LHFPL2: variants seen among roughly 807,000 people sequenced by gnomAD.
LHFPL2 encodes LHFPL tetraspan subfamily member 2 protein.
In LHFPL2, 7 loss-of-function variants were observed where a neutral mutation model predicts 17.5. That is an observed-to-expected ratio of 0.40 (90% CI 0.23 to 0.75). The LOEUF is 0.75. Ranked by LOEUF, LHFPL2 falls within the 30% of genes least tolerant of loss-of-function variation. LHFPL2 has a pLI of 0.37. For missense variants in LHFPL2, 241 were observed against 294.8 expected, an observed-to-expected ratio of 0.82 and a Z score of 1.34; for synonymous variants, 134 against 116.2, an observed-to-expected ratio of 1.15 and a Z score of -0.99.
At chr5:78,590,832 A>G (rs1397574246) in intron 2 of LHFPL2, among the ~76,000 whole-genome samples, 1 of 152,228 alleles carries the variant, frequency 6.6e-6, no homozygotes, top group Non-Finnish European at 1.5e-5. Flanking sequence ...CTAAATGGAT[A>G]ATGCAGATCA....
chr5:78,620,399 A>T (rs1744807387), intron 2 of LHFPL2, among the ~76,000 whole-genome samples: 1 of 151,804 alleles, frequency 6.6e-6, no homozygotes, highest in Admixed American at 6.6e-5. Context: ...TTATTTTTTT[A>T]AATTTATTCA....
intron 3 of LHFPL2, among the ~76,000 whole-genome samples, chr5:78,525,675 G>A (rs1481629986): frequency 6.6e-6 from 1 of 152,212 alleles, no homozygotes; most frequent in African/African-American, 2.4e-5. Context: ...ATGCGAAAAC[G>A]GATACAGACT....
At chr5:78,579,762 G>C (rs1743026639) in intron 2 of LHFPL2, among the ~76,000 whole-genome samples, 1 of 152,126 alleles carries the variant, frequency 6.6e-6, no homozygotes, top group Non-Finnish European at 1.5e-5. Flanking sequence ...ATTTGGGTTG[G>C]TTCCAAGTCT....
At chr5:78,512,293 G>A (rs1052702338) in intron 3 of LHFPL2, among the ~76,000 whole-genome samples, 1 of 151,716 alleles carries the variant, frequency 6.6e-6, no homozygotes, top group African/African-American at 2.4e-5. Flanking sequence ...CAGAGTCCTG[G>A]TCTTCCTGTT....
intron 2 of LHFPL2, among the ~76,000 whole-genome samples, chr5:78,566,113 A>G (rs1001308740): frequency 6.6e-6 from 1 of 152,250 alleles, no homozygotes; most frequent in African/African-American, 2.4e-5. Context: ...AATATTCAAC[A>G]GCCTCAATTC....
chr5:78,615,582 T>C lies in LHFPL2; in HGVS notation c.-245+16682A>G, dbSNP rs559305662. Among the ~76,000 whole-genome samples the C allele has an allele frequency of 6.6e-4, 101 of 152,344 alleles. 1 individual carries two copies. The highest frequency in any genetic ancestry group is 2.1e-3 in the African/African-American group (89 of 41,582). ...CTAAGCACAAGATTTCCAATTAACT[T>C]ATGACCTGCCAGACATCTACAAACC... On this transcript the variant is annotated intron_variant, in intron 2 of 4. Coordinates refer to ENST00000380345, the MANE Select transcript of LHFPL2 (RefSeq NM_005779.3).
At chr5:78,606,588 G>C (rs564337888) in intron 2 of LHFPL2, among the ~76,000 whole-genome samples, 10 of 152,194 alleles carry the variant, frequency 6.6e-5, no homozygotes, top group African/African-American at 2.2e-4. Context: ...GCTGTTTGCC[G>C]AGGGTGGGCG....
At chr5:78,638,392 A>G (rs1465095407) in intron 1 of LHFPL2, among the ~76,000 whole-genome samples, 1 of 152,182 alleles carries the variant, frequency 6.6e-6, no homozygotes, top group Non-Finnish European at 1.5e-5. Flanking sequence ...ATTAAAAAAC[A>G]TAAAAAAGGA....
At chr5:78,499,195 C>T (rs1473941039) in intron 4 of LHFPL2, among the ~76,000 whole-genome samples, 1 of 152,144 alleles carries the variant, frequency 6.6e-6, no homozygotes, top group Non-Finnish European at 1.5e-5. Context: ...ACACCCTCCC[C>T]CAAATTTATA....
intron 3 of LHFPL2, among the ~76,000 whole-genome samples, chr5:78,517,207 G>A (rs745566260): frequency 1.2e-4 from 18 of 152,090 alleles, no homozygotes; most frequent in South Asian, 4.2e-4. Context: ...CAGCTGCCTC[G>A]CAGCCCCTCC....
Position 78,505,306 on chromosome 5 carries a change from T to G in LHFPL2, c.430+4478A>C, listed in dbSNP as rs57246661. Among the ~76,000 whole-genome samples, 564 of 152,326 alleles carry G rather than the reference T, an allele frequency of 3.7e-3. 1 individual carries two copies. Among genetic ancestry groups the G allele is most frequent in the African/African-American group, 0.013 (540 of 41,574 alleles). ...AGGGATGCAAACTGATGTGTGTTGC[T>G]GCCTCTGCCAAGTCCTTGGACAAGT... On this transcript the variant is annotated intron_variant, in intron 4 of 4. Transcript: ENST00000380345.
At chr5:78,522,718 C>T (rs1175199734) in intron 3 of LHFPL2, among the ~76,000 whole-genome samples, 1 of 152,054 alleles carries the variant, frequency 6.6e-6, no homozygotes, top group African/African-American at 2.4e-5. Flanking sequence ...TACTGCCCTC[C>T]GGAAACTTAT....
rs866446312 is a variant in LHFPL2 at position 78,550,506 on chromosome 5, A to G, written c.-186+14307T>C. Reference sequence around the variant, plus strand: ...CGGAATGCAGTGAAGGCACAGGGAGACACTGGATGCTGAACACAAGACTGA... The same window carrying G: ...CGGAATGCAGTGAAGGCACAGGGAGGCACTGGATGCTGAACACAAGACTGA... On this transcript the variant is annotated intron_variant, in intron 3 of 4. Coordinates refer to ENST00000380345, the MANE Select transcript of LHFPL2 (RefSeq NM_005779.3). Among the ~76,000 whole-genome samples, 3 of 152,160 alleles carry G rather than the reference A, an allele frequency of 2.0e-5. No individual in the cohort carries two copies. The South Asian group carries it at 6.2e-4, about 32-fold the overall frequency.
At chr5:78,629,633 C>T (rs1261049791) in intron 2 of LHFPL2, among the ~76,000 whole-genome samples, 1 of 152,242 alleles carries the variant, frequency 6.6e-6, no homozygotes, top group Non-Finnish European at 1.5e-5. Context: ...ATGTATTAAT[C>T]TTTGTACTAA....
chr5:78,600,944 TA>T (rs538090107), intron 2 of LHFPL2, among the ~76,000 whole-genome samples: 1 of 151,938 alleles, frequency 6.6e-6, no homozygotes, highest in Non-Finnish European at 1.5e-5. Context: ...ATTAGCTGTT[TA>T]AAAAAAAGTT....
chr5:78,602,751 T>A (rs1252273230), intron 2 of LHFPL2, among the ~76,000 whole-genome samples: 1 of 152,204 alleles, frequency 6.6e-6, no homozygotes, highest in Non-Finnish European at 1.5e-5. Context: ...TCTACACCAC[T>A]TGCCCTGGTC....
intron 2 of LHFPL2, among the ~76,000 whole-genome samples, chr5:78,602,451 C>T (rs898137663): frequency 2.0e-5 from 3 of 152,002 alleles, no homozygotes; most frequent in African/African-American, 4.8e-5. Flanking sequence ...TTCTTTCACC[C>T]GAACAAAAAA....
intron 3 of LHFPL2, among the ~76,000 whole-genome samples, chr5:78,549,647 G>T (rs1756382609): frequency 6.6e-6 from 1 of 152,186 alleles, no homozygotes; most frequent in Non-Finnish European, 1.5e-5. Flanking sequence ...CTTTCATCAG[G>T]AGTAAGTTTA....
intron 2 of LHFPL2, among the ~76,000 whole-genome samples, chr5:78,573,255 T>C (rs756553327): frequency 5.9e-5 from 9 of 152,068 alleles, no homozygotes; most frequent in Admixed American, 2.6e-4. Context: ...ACCCAATCCA[T>C]GAGGAGAAAA....
Sources: gnomAD v4.1 joint callset for allele counts (sites outside exome capture counted in the v4.1 genomes callset) on GRCh38, gnomAD v4.1.1 for gene constraint, MANE v1.5 for transcripts, NCBI Gene and HGNC (gene_info 2026-07-23, HGNC 2026-07-21) for gene names.